TENM3: variants seen among roughly 807,000 people sequenced by gnomAD.
TENM3 encodes teneurin-3.
A neutral mutation model predicts 255.1 loss-of-function variants in TENM3; 63 were observed. The observed-to-expected ratio is 0.25, with a 90% CI of 0.20 to 0.30. The LOEUF is 0.30. Among genes scored for constraint, TENM3 ranks in the 10% least tolerant of loss-of-function variants. The probability of loss-of-function intolerance (pLI) is 1.00; values close to 1 mark genes in which losing one functional copy is unlikely to be tolerated. For synonymous variants in TENM3, 1,306 were observed against 1,322.3 expected (o/e 0.99, Z 0.27); for missense variants, 2,929 against 3,461.1 (o/e 0.85, Z 3.86).
the TENM3 span, among the ~76,000 whole-genome samples, chr4:181,808,721 T>G: frequency 6.6e-6 from 1 of 152,200 alleles, no homozygotes; most frequent in African/African-American, 2.4e-5. Flanking sequence ...TATATTGGTA[T>G]GAAATTTGAA....
rs1317263049 is a variant in TENM3, at chr4:182,802,108, G to A, written c.*1757G>A. On this transcript the variant is annotated 3_prime_UTR_variant, in exon 28 of 28. Coordinates refer to ENST00000511685, the MANE Select transcript of TENM3 (RefSeq NM_001080477.4). ...TGTATCACATACTCTAAATTGCACAGTAGGCGTGTTTATTAAACAGATGAT... is the reference window on the plus strand; with the variant it reads ...TGTATCACATACTCTAAATTGCACAATAGGCGTGTTTATTAAACAGATGAT... The A allele has an allele frequency of 2.3e-4, 35 of 152,648 alleles. No homozygotes were observed. Among genetic ancestry groups the A allele is most frequent in the Admixed American group, 2.3e-3 (35 of 15,278 alleles). The allele number at this position is 152,648 out of a possible 1,614,324, so 9.5% of individuals were successfully genotyped here.
chr4:181,462,390 C>T, the TENM3 span, among the ~76,000 whole-genome samples: 4 of 152,136 alleles, frequency 2.6e-5, no homozygotes, highest in Non-Finnish European at 5.9e-5. Flanking sequence ...GTGTTCTATA[C>T]CAGTAAGGTG....
At chr4:182,262,335 C>T (rs1579938242) in intron 1 of TENM3, among the ~76,000 whole-genome samples, 1 of 152,164 alleles carries the variant, frequency 6.6e-6, no homozygotes, top group African/African-American at 2.4e-5. Flanking sequence ...CAAAATGAGG[C>T]TGAAACCTAC....
the TENM3 span, among the ~76,000 whole-genome samples, chr4:181,865,629 A>G: frequency 6.6e-6 from 1 of 152,192 alleles, no homozygotes; most frequent in African/African-American, 2.4e-5. Flanking sequence ...ATTGGCAGTG[A>G]CCTTAATCAG....
At chr4:182,295,243 T>A (rs1761396176) in intron 1 of TENM3, among the ~76,000 whole-genome samples, 1 of 150,624 alleles carries the variant, frequency 6.6e-6, no homozygotes, top group Admixed American at 6.6e-5. Context: ...AAACAAGTGG[T>A]ATATGTGCTT....
At chr4:182,387,073 A>G (rs960448805) in intron 3 of TENM3, among the ~76,000 whole-genome samples, 2 of 152,130 alleles carry the variant, frequency 1.3e-5, no homozygotes, top group South Asian at 2.1e-4. Context: ...AAACACACCA[A>G]TCAGCACCCT....
chr4:182,596,414 C>T (rs952486200), intron 3 of TENM3, among the ~76,000 whole-genome samples: 6 of 152,094 alleles, frequency 3.9e-5, no homozygotes, highest in Non-Finnish European at 5.9e-5. Context: ...AACCTTAACT[C>T]TAGCACAGAG....
At chr4:182,000,052 A>C in the TENM3 span, among the ~76,000 whole-genome samples, 1 of 152,278 alleles carries the variant, frequency 6.6e-6, no homozygotes, top group South Asian at 2.1e-4. Context: ...CAGAGATTTT[A>C]ATTTGGTGAA....
chr4:182,610,908 TA>T (rs1006733949), intron 4 of TENM3, among the ~76,000 whole-genome samples: 6 of 138,578 alleles, frequency 4.3e-5, no homozygotes, highest in African/African-American at 1.6e-4. Context: ...CATGCCCAGC[TA>T]ATTTTTTTTT....
At chr4:181,964,232 T>C in the TENM3 span, among the ~76,000 whole-genome samples, 2 of 151,982 alleles carry the variant, frequency 1.3e-5, no homozygotes, top group Non-Finnish European at 2.9e-5. Flanking sequence ...TTTGCTCCAA[T>C]TGCACCTAGA....
At chr4:181,768,531 T>G in the TENM3 span, among the ~76,000 whole-genome samples, 2 of 152,222 alleles carry the variant, frequency 1.3e-5, no homozygotes, top group Admixed American at 6.5e-5. Flanking sequence ...ATAAAGTCTT[T>G]CTGAATGAAC....
rs141968345 is a variant in TENM3 at position 182,228,358 on chromosome 4, ATGTGTGTG to A, written c.-76+83632_-76+83639del. On this transcript the variant is annotated intron_variant, in intron 1 of 2. Transcript: ENST00000512480. ...CCTTAAATATATATAATGTAATGTA[ATGTGTGTG>A]TGTGTGTGTGTGTGTGTGTGTGTGT... 3.7e-5 allele frequency among the ~76,000 whole-genome samples: 4 copies of A among 109,008 alleles called. 1 individual carries two copies. Among genetic ancestry groups the A allele is most frequent in the African/African-American group, 1.1e-4 (3 of 27,610 alleles). The allele number at this position is 109,008 out of a possible 152,430, so 71.5% of individuals were successfully genotyped here.
the TENM3 span, among the ~76,000 whole-genome samples, chr4:182,018,820 G>A: frequency 6.6e-6 from 1 of 152,112 alleles, no homozygotes; most frequent in African/African-American, 2.4e-5. Context: ...GCCAGACATG[G>A]TACATAACCT....
At chr4:182,454,777 A>G (rs536332564) in intron 3 of TENM3, among the ~76,000 whole-genome samples, 1 of 152,326 alleles carries the variant, frequency 6.6e-6, no homozygotes, top group East Asian at 1.9e-4. Context: ...ATTCTTGCTT[A>G]TATGTTTGAA....
At chr4:181,822,253 G>C in the TENM3 span, among the ~76,000 whole-genome samples, 9 of 152,188 alleles carry the variant, frequency 5.9e-5, no homozygotes, top group African/African-American at 2.4e-5. Flanking sequence ...TAAATGAACA[G>C]AGATAAATCA....
the TENM3 span, among the ~76,000 whole-genome samples, chr4:181,478,998 C>T: frequency 6.6e-6 from 1 of 152,162 alleles, no homozygotes; most frequent in Non-Finnish European, 1.5e-5. Context: ...CTAGATTTTG[C>T]ACCTAGTAGA....
At chr4:182,250,264 G>C (rs909408514) in intron 1 of TENM3, among the ~76,000 whole-genome samples, 1 of 141,992 alleles carries the variant, frequency 7.0e-6, no homozygotes, top group African/African-American at 2.9e-5. Flanking sequence ...GTGTTAGCCA[G>C]GATGGTCTCG....
chr4:182,494,619 C>T (rs1317846559), intron 3 of TENM3, among the ~76,000 whole-genome samples: 1 of 152,068 alleles, frequency 6.6e-6, no homozygotes, highest in Non-Finnish European at 1.5e-5. Context: ...TGGAATCATG[C>T]AGAATTGATG....
chr4:181,814,977 A>C, the TENM3 span, among the ~76,000 whole-genome samples: 1 of 152,206 alleles, frequency 6.6e-6, no homozygotes, highest in Admixed American at 6.5e-5. Flanking sequence ...AGAAAGTATA[A>C]TTAAATCTGA....
Sources: gnomAD v4.1 joint callset for allele counts (sites outside exome capture counted in the v4.1 genomes callset) on GRCh38, gnomAD v4.1.1 for gene constraint, MANE v1.5 for transcripts, NCBI Gene and HGNC (gene_info 2026-07-23, HGNC 2026-07-21) for gene names.